FSTL4: variants seen among roughly 807,000 people sequenced by gnomAD.
FSTL4 encodes the protein follistatin like 4, also known as follistatin-related protein 4.
FSTL4 carries 28 observed loss-of-function variants against 78.2 expected under a neutral mutation model. The ratio of observed to expected loss-of-function variants is 0.36; its 90% confidence interval spans 0.27 to 0.49. The LOEUF (loss-of-function observed/expected upper bound fraction) is 0.49. Ranked by LOEUF, FSTL4 falls within the 20% of genes least tolerant of loss-of-function variation. The probability of loss-of-function intolerance (pLI) is 0.98; values close to 1 mark genes in which losing one functional copy is unlikely to be tolerated. For synonymous variants in FSTL4, 422 were observed against 440.5 expected (o/e 0.96, Z 0.53); for missense variants, 922 against 1,084.9 (o/e 0.85, Z 2.11).
At chr5:133,685,088 G>A in the FSTL4 span, among the ~76,000 whole-genome samples, 8 of 152,186 alleles carry the variant, frequency 5.3e-5, no homozygotes, top group African/African-American at 1.4e-4. Flanking sequence ...CCTTGGCAGG[G>A]TCAGCCAATC....
the FSTL4 span, among the ~76,000 whole-genome samples, chr5:133,647,652 AGC>A: frequency 6.6e-6 from 1 of 152,218 alleles, no homozygotes; most frequent in Non-Finnish European, 1.5e-5. Context: ...CACAGCCTCA[AGC>A]CATAAGCTAA....
intron 3 of FSTL4, among the ~76,000 whole-genome samples, chr5:133,427,894 T>C (rs1213611805): frequency 2.6e-5 from 4 of 152,152 alleles, no homozygotes; most frequent in Non-Finnish European, 5.9e-5. Context: ...TTGCTGTCTA[T>C]AGTTGCGCCT....
At chr5:133,462,848 T>C (rs1458853296) in intron 3 of FSTL4, among the ~76,000 whole-genome samples, 2 of 152,140 alleles carry the variant, frequency 1.3e-5, no homozygotes, top group Non-Finnish European at 2.9e-5. Flanking sequence ...TTCCCTACTA[T>C]TTGAGCCAGT....
the FSTL4 span, among the ~76,000 whole-genome samples, chr5:133,712,295 T>G: frequency 1.3e-5 from 2 of 152,196 alleles, no homozygotes; most frequent in Non-Finnish European, 1.5e-5. Flanking sequence ...CGTCCAGGAC[T>G]GATATGGCAA....
the FSTL4 span, among the ~76,000 whole-genome samples, chr5:133,805,782 T>A: frequency 2.6e-5 from 4 of 152,178 alleles, no homozygotes; most frequent in African/African-American, 7.2e-5. Flanking sequence ...CCATTTTGAG[T>A]TTGAACTGTT....
At chr5:133,809,997 C>T in the FSTL4 span, among the ~76,000 whole-genome samples, 1 of 152,242 alleles carries the variant, frequency 6.6e-6, no homozygotes, top group African/African-American at 2.4e-5. Flanking sequence ...ACATTCAATA[C>T]ACAATTACAC....
the FSTL4 span, among the ~76,000 whole-genome samples, chr5:133,725,855 A>G: frequency 6.6e-6 from 1 of 152,218 alleles, no homozygotes; most frequent in South Asian, 2.1e-4. Context: ...TGTTGAAACT[A>G]GGGACTCAGT....
chr5:133,251,781 G>A (rs1490733059), intron 6 of FSTL4, among the ~76,000 whole-genome samples: 2 of 152,216 alleles, frequency 1.3e-5, no homozygotes, highest in Non-Finnish European at 2.9e-5. Flanking sequence ...CATAATATCT[G>A]GACCTGAGAA....
At chr5:133,804,906 G>A in the FSTL4 span, among the ~76,000 whole-genome samples, 1 of 131,492 alleles carries the variant, frequency 7.6e-6, no homozygotes, top group Non-Finnish European at 1.5e-5. Flanking sequence ...TCGTGCCACT[G>A]CACTCCAGCC....
At chr5:133,288,003 A>C (rs1277919114) in intron 6 of FSTL4, among the ~76,000 whole-genome samples, 1 of 152,236 alleles carries the variant, frequency 6.6e-6, no homozygotes, top group Non-Finnish European at 1.5e-5. Flanking sequence ...ATTTAATCCC[A>C]GCTGTGCTAT....
At chr5:133,798,732 G>A in the FSTL4 span, among the ~76,000 whole-genome samples, 39 of 152,022 alleles carry the variant, frequency 2.6e-4, no homozygotes, top group African/African-American at 8.4e-4. Context: ...AAAGCCTCTC[G>A]TCCCCGCTCA....
chr5:133,467,142 ATGTG>A (rs1238064793), intron 3 of FSTL4, among the ~76,000 whole-genome samples: 1 of 149,396 alleles, frequency 6.7e-6, no homozygotes, highest in Admixed American at 6.7e-5. Context: ...GTGTGTGTAT[ATGTG>A]TATGTGTGTG....
At position 133,198,973 on chromosome 5, in the gene FSTL4, T is replaced by G. The variant is rs1159562774; in HGVS notation, c.*122A>C. 2 of 602,072 alleles carry G rather than the reference T, an allele frequency of 3.3e-6. No individual in the cohort carries two copies. The highest frequency in any genetic ancestry group is 5.7e-6 in the Non-Finnish European group (2 of 348,856). The allele number at this position is 602,072 out of a possible 1,614,324, so 37.3% of individuals were successfully genotyped here. A position where few individuals can be genotyped will look rare whatever the true frequency, so the allele number is the denominator to read the frequency against. ...TAGGAAACTTGCAAGGAGACCAGTG[T>G]TGAACCACAAAGCGAGTACAGGTTT... On this transcript the variant is annotated 3_prime_UTR_variant, in exon 16 of 16. Transcript: ENST00000265342.
the FSTL4 span, among the ~76,000 whole-genome samples, chr5:133,737,899 G>A: frequency 1.9e-4 from 29 of 152,184 alleles, no homozygotes; most frequent in African/African-American, 7.0e-4. Flanking sequence ...CACCGCGCCC[G>A]GCCTGATTTC....
chr5:133,520,908 G>A (rs887957891), intron 3 of FSTL4, among the ~76,000 whole-genome samples: 3 of 152,124 alleles, frequency 2.0e-5, no homozygotes, highest in Non-Finnish European at 4.4e-5. Context: ...TTCTGGCAGC[G>A]GGGACTAGGC....
chr5:133,689,101 T>C, the FSTL4 span, among the ~76,000 whole-genome samples: 1 of 152,128 alleles, frequency 6.6e-6, no homozygotes, highest in Admixed American at 6.5e-5. Context: ...TCCTCAGTGT[T>C]TTCCCCTGCT....
chr5:133,424,779 T>C (rs1340521965), intron 3 of FSTL4, among the ~76,000 whole-genome samples: 1 of 152,168 alleles, frequency 6.6e-6, no homozygotes, highest in South Asian at 2.1e-4. Flanking sequence ...AGTCTAACGA[T>C]CTTGAGATCT....
chr5:133,563,457 G>GA (rs1436944419), intron 3 of FSTL4, among the ~76,000 whole-genome samples: 1 of 152,210 alleles, frequency 6.6e-6, no homozygotes, highest in Non-Finnish European at 1.5e-5. Context: ...AAATTAACAT[G>GA]AAAAGGAAGG....
intron 6 of FSTL4, among the ~76,000 whole-genome samples, chr5:133,289,344 T>C (rs1753205818): frequency 6.6e-6 from 1 of 152,212 alleles, no homozygotes; most frequent in Non-Finnish European, 1.5e-5. Flanking sequence ...TCCAAATATA[T>C]CCCACCTTCA....
Sources: allele counts gnomAD v4.1 joint callset (sites outside exome capture counted in the v4.1 genomes callset), GRCh38; gene constraint gnomAD v4.1.1; transcripts MANE v1.5; gene names NCBI Gene and HGNC (gene_info 2026-07-23, HGNC 2026-07-21).